RFC3: variants seen among roughly 807,000 people sequenced by gnomAD.
RFC3 encodes A1 38 kDa subunit.
In RFC3, 41 loss-of-function variants were observed where a neutral mutation model predicts 45.1. The observed-to-expected ratio is 0.91, with a 90% CI of 0.71 to 1.18. The LOEUF is 1.18. RFC3 is among the 50% of genes most tolerant of loss of function. The pLI is 0.00. For synonymous variants in RFC3, 149 were observed against 144.0 expected (o/e 1.03, Z -0.25); for missense variants, 423 against 428.1 (o/e 0.99, Z 0.10).
At chr13:33,947,174 A>G (rs2082959575) in intron 8 of RFC3, among the ~76,000 whole-genome samples, 1 of 152,146 alleles carries the variant, frequency 6.6e-6, no homozygotes, top group African/African-American at 2.4e-5. Context: ...CCCAAATGTC[A>G]ATGTGTCAAG....
chr13:33,820,362 T>A (rs1396750998), intron 1 of RFC3, among the ~76,000 whole-genome samples: 3 of 152,270 alleles, frequency 2.0e-5, no homozygotes, highest in African/African-American at 4.8e-5. Flanking sequence ...CTGGAATTAA[T>A]GCTCTTTCTT....
At chr13:33,868,297 C>T (rs1194418499) in intron 8 of RFC3, among the ~76,000 whole-genome samples, 1 of 152,056 alleles carries the variant, frequency 6.6e-6, no homozygotes, top group Non-Finnish European at 1.5e-5. Flanking sequence ...CTTCCCATTA[C>T]AGAAGCTGAA....
intron 4 of RFC3, among the ~76,000 whole-genome samples, chr13:33,827,975 C>T (rs2082066114): frequency 1.3e-5 from 2 of 151,256 alleles, no homozygotes; most frequent in Non-Finnish European, 2.9e-5. Context: ...TTGAGACCAA[C>T]AAGACCCGAT....
the RFC3 span, among the ~76,000 whole-genome samples, chr13:33,974,289 G>A: frequency 6.6e-6 from 1 of 152,160 alleles, no homozygotes; most frequent in Non-Finnish European, 1.5e-5. Flanking sequence ...GCAAACTGTT[G>A]TAGTAATAAG....
chr13:33,820,683 A>G (rs796188587), intron 1 of RFC3, among the ~76,000 whole-genome samples: 1 of 152,196 alleles, frequency 6.6e-6, no homozygotes, highest in East Asian at 1.9e-4. Flanking sequence ...TAATAGTCCG[A>G]AGTAAGAAAG....
At chr13:33,834,329 T>TATATATATATATATATACACACATAC (rs1300798923) in intron 7 of RFC3, among the ~76,000 whole-genome samples, 10 of 125,086 alleles carry the variant, frequency 8.0e-5, no homozygotes, top group African/African-American at 2.4e-4. Flanking sequence ...TATATATATA[T>TATATATATATATATATACACACATAC]ATCTGTACTG....
At chr13:33,940,702 A>G (rs2082917684) in intron 8 of RFC3, among the ~76,000 whole-genome samples, 1 of 152,226 alleles carries the variant, frequency 6.6e-6, no homozygotes, top group Non-Finnish European at 1.5e-5. Context: ...ACCGTAGTCT[A>G]ATAAAATTAC....
At chr13:33,837,924 C>CAG (rs1489423820), downstream of RFC3, among the ~76,000 whole-genome samples, 13 of 151,848 alleles carry the variant, frequency 8.6e-5, no homozygotes, top group Non-Finnish European at 1.5e-5. Context: ...TCAAACTTTT[C>CAG]TGATTTCACT....
intron 8 of RFC3, among the ~76,000 whole-genome samples, chr13:33,882,808 T>A (rs1257152415): frequency 1.3e-5 from 2 of 152,264 alleles, no homozygotes; most frequent in African/African-American, 4.8e-5. Flanking sequence ...GAATGACCAC[T>A]AATCTCTCAT....
intron 8 of RFC3, among the ~76,000 whole-genome samples, chr13:33,861,708 T>A (rs1042643259): frequency 1.3e-5 from 2 of 151,436 alleles, no homozygotes; most frequent in African/African-American, 4.9e-5. Context: ...GTACAATCAC[T>A]GCACTTCAAT....
intron 8 of RFC3, among the ~76,000 whole-genome samples, chr13:33,904,287 T>C (rs2082659024): frequency 6.6e-6 from 1 of 152,098 alleles, no homozygotes; most frequent in African/African-American, 2.4e-5. Context: ...TCAGTTGTTC[T>C]GCCTGACTTT....
chr13:33,943,581 A>G (rs745641562), intron 8 of RFC3, among the ~76,000 whole-genome samples: 14 of 152,270 alleles, frequency 9.2e-5, no homozygotes, highest in Middle Eastern at 6.8e-3. Flanking sequence ...CATGTGTTCA[A>G]ATATCACATG....
rs74945842 is a variant in RFC3, at chr13:33,943,966, C to T, written c.880-22121C>T. Among the ~76,000 whole-genome samples, 4 of 152,150 alleles carry T rather than the reference C, an allele frequency of 2.6e-5. No homozygotes were observed. In the East Asian group the frequency reaches 7.7e-4, roughly 29 times the overall value. ...ATTTAGGGTATGTCTTTTACAAAGC[C>T]CCCCAAAATTAATTGACCTGCTTCT... On this transcript the variant is annotated intron_variant, in intron 8 of 8. Transcript: ENST00000434425.
chr13:33,963,052 A>G (rs1285707769), intron 8 of RFC3, among the ~76,000 whole-genome samples: 2 of 152,130 alleles, frequency 1.3e-5, no homozygotes, highest in African/African-American at 4.8e-5. Flanking sequence ...AAAATATATG[A>G]AAGTCTTATT....
intron 8 of RFC3, among the ~76,000 whole-genome samples, chr13:33,904,327 C>T (rs1386423512): frequency 6.6e-6 from 1 of 151,968 alleles, no homozygotes; most frequent in Non-Finnish European, 1.5e-5. Context: ...TGGCACCACT[C>T]GTTTTTTGAT....
chr13:33,847,458 C>G (rs1489906647), intron 8 of RFC3: 1 of 152,050 alleles, frequency 6.6e-6, no homozygotes, highest in East Asian at 1.9e-4. Context: ...GCTTCACCTC[C>G]TCCTCCAGCA....
chr13:33,931,380 G>A (rs1359505405), intron 8 of RFC3, among the ~76,000 whole-genome samples: 2 of 152,070 alleles, frequency 1.3e-5, no homozygotes, highest in African/African-American at 2.4e-5. Flanking sequence ...TTTTGTTTCT[G>A]TATAGGTCTG....
At chr13:33,909,258 C>T (rs541052931) in intron 8 of RFC3, among the ~76,000 whole-genome samples, 7 of 151,890 alleles carry the variant, frequency 4.6e-5, no homozygotes, top group African/African-American at 1.7e-4. Flanking sequence ...ATTTCTAGTA[C>T]AACTCTTTCA....
downstream of RFC3, among the ~76,000 whole-genome samples, chr13:33,838,067 T>C (rs374812677): frequency 5.3e-5 from 8 of 152,130 alleles, no homozygotes; most frequent in African/African-American, 1.9e-4. Context: ...GAGAGAAATA[T>C]TGAAATCTCC....
Sources: allele counts gnomAD v4.1 joint callset (sites outside exome capture counted in the v4.1 genomes callset), GRCh38; gene constraint gnomAD v4.1.1; transcripts MANE v1.5; gene names NCBI Gene and HGNC (gene_info 2026-07-23, HGNC 2026-07-21).